Variants in RTL4 observed in about 807,000 individuals in gnomAD.
RTL4 encodes retrotransposon Gag like 4.
In RTL4, 4 loss-of-function variants were observed where a neutral mutation model predicts 5.3. That is an observed-to-expected ratio of 0.75 (90% CI 0.37 to 1.72). The LOEUF (loss-of-function observed/expected upper bound fraction) is 1.72, where lower values mean the gene tolerates loss of function less well. Ranked by LOEUF, RTL4 falls within the 40% of genes most tolerant of loss-of-function variation. The pLI is 0.04. For synonymous variants in RTL4, 98 were observed against 87.3 expected (o/e 1.12, Z -0.68); for missense variants, 260 against 227.1 (o/e 1.14, Z -0.93).
At chrX:112,351,174 G>A in the RTL4 span, among the ~76,000 whole-genome samples, 9 of 110,938 alleles carry the variant, frequency 8.1e-5, no homozygotes, top group Non-Finnish European at 1.3e-4. Flanking sequence ...TAGTTGAGTG[G>A]TTTTGAGTGA....
At chrX:112,375,297 C>T in the RTL4 span, among the ~76,000 whole-genome samples, 1 of 111,026 alleles carries the variant, frequency 9.0e-6, no homozygotes, top group Non-Finnish European at 1.9e-5. Context: ...CGGAAGTCTA[C>T]AGGCAAGTTG....
At chrX:112,234,020 G>A in the RTL4 span, among the ~76,000 whole-genome samples, 2 of 109,625 alleles carry the variant, frequency 1.8e-5, no homozygotes, top group East Asian at 2.9e-4. Flanking sequence ...GTGAAACCCC[G>A]TCTCTACTGA....
chrX:112,200,076 T>C, the RTL4 span, among the ~76,000 whole-genome samples: 1 of 112,350 alleles, frequency 8.9e-6, no homozygotes, highest in Non-Finnish European at 1.9e-5. Context: ...ATCCCCATTC[T>C]ACAGCTGAGG....
chrX:112,195,944 A>G, the RTL4 span, among the ~76,000 whole-genome samples: 1 of 111,855 alleles, frequency 8.9e-6, no homozygotes, highest in Non-Finnish European at 1.9e-5. Context: ...AGACAATTAT[A>G]GATTTACATA....
the RTL4 span, among the ~76,000 whole-genome samples, chrX:112,305,440 G>A: frequency 9.2e-6 from 1 of 109,183 alleles, no homozygotes; most frequent in African/African-American, 3.4e-5. Flanking sequence ...TCGGCTCACT[G>A]CAAGCTCCAC....
At chrX:112,406,706 AC>A in the RTL4 span, among the ~76,000 whole-genome samples, 1 of 110,354 alleles carries the variant, frequency 9.1e-6, no homozygotes, top group Non-Finnish European at 1.9e-5. Context: ...CTCTACCCTA[AC>A]CCCAGGCTGC....
the RTL4 span, among the ~76,000 whole-genome samples, chrX:112,190,522 C>A: frequency 9.0e-6 from 1 of 111,728 alleles, no homozygotes; most frequent in South Asian, 3.8e-4. Flanking sequence ...GAGCCTGACT[C>A]TATTTCTTTC....
the RTL4 span, among the ~76,000 whole-genome samples, chrX:112,370,959 T>C: frequency 9.1e-6 from 1 of 110,323 alleles, no homozygotes; most frequent in Non-Finnish European, 1.9e-5. Context: ...GAATTAGTCC[T>C]AATTCCCTTG....
chrX:112,094,965 G>T, the RTL4 span, among the ~76,000 whole-genome samples: 2 of 111,290 alleles, frequency 1.8e-5, no homozygotes, highest in African/African-American at 6.5e-5. Flanking sequence ...TGCGGATGTA[G>T]GGTCAAGAGA....
chrX:112,181,943 A>G, the RTL4 span, among the ~76,000 whole-genome samples: 1 of 111,404 alleles, frequency 9.0e-6, no homozygotes, highest in Non-Finnish European at 1.9e-5. Context: ...TCTAGCTGGC[A>G]TCTGGCAGGT....
chrX:112,267,722 T>C, the RTL4 span, among the ~76,000 whole-genome samples: 1 of 111,666 alleles, frequency 9.0e-6, no homozygotes, highest in Admixed American at 9.5e-5. Flanking sequence ...TCTCAGTAAA[T>C]GGCAATTCCA....
chrX:112,298,704 G>C, the RTL4 span, among the ~76,000 whole-genome samples: 1 of 112,792 alleles, frequency 8.9e-6, no homozygotes, highest in Non-Finnish European at 1.9e-5. Context: ...GAATCCAACA[G>C]TTGTAGCCCC....
chrX:112,268,807 G>C, the RTL4 span, among the ~76,000 whole-genome samples: 13 of 111,937 alleles, frequency 1.2e-4, no homozygotes, highest in South Asian at 4.8e-3. Context: ...TGTTCCACTG[G>C]CACCTCAAAC....
chrX:112,410,823 A>T, the RTL4 span, among the ~76,000 whole-genome samples: 1 of 111,944 alleles, frequency 8.9e-6, no homozygotes, highest in African/African-American at 3.2e-5. Flanking sequence ...TATCTTAAAG[A>T]ATGAGAAATG....
At chrX:112,136,700 T>C in the RTL4 span, among the ~76,000 whole-genome samples, 1 of 111,691 alleles carries the variant, frequency 9.0e-6, no homozygotes, top group Non-Finnish European at 1.9e-5. Context: ...AAAATTCAAA[T>C]GGAATCAGCA....
the RTL4 span, among the ~76,000 whole-genome samples, chrX:112,351,230 G>T: frequency 9.1e-6 from 1 of 109,721 alleles, no homozygotes; most frequent in African/African-American, 3.4e-5. Flanking sequence ...TGGTCTGAGA[G>T]ACAGTTTGTT....
chrX:112,201,087 C>T, the RTL4 span, among the ~76,000 whole-genome samples: 2 of 111,482 alleles, frequency 1.8e-5, no homozygotes, highest in Non-Finnish European at 3.8e-5. Context: ...AGCAAACTTA[C>T]AATCATGACA....
chrX:112,421,490 G>T, the RTL4 span, among the ~76,000 whole-genome samples: 1 of 111,884 alleles, frequency 8.9e-6, no homozygotes, highest in South Asian at 3.7e-4. Context: ...AACTGTTCTG[G>T]TTCTTTGGTA....
At chrX:112,193,499 CTT>C in the RTL4 span, among the ~76,000 whole-genome samples, 2 of 111,351 alleles carry the variant, frequency 1.8e-5, no homozygotes, top group East Asian at 5.6e-4. Context: ...AAAATTTTCT[CTT>C]TGTATTTGCT....
Sources: allele counts gnomAD v4.1 joint callset (sites outside exome capture counted in the v4.1 genomes callset), GRCh38; gene constraint gnomAD v4.1.1; transcripts MANE v1.5; gene names NCBI Gene and HGNC (gene_info 2026-07-23, HGNC 2026-07-21).